The following CCDC68 variants were observed in gnomAD, a reference collection of about 807,000 sequenced individuals.
CCDC68 encodes the protein coiled-coil domain-containing protein 68.
CCDC68 carries 45 observed loss-of-function variants against 47.1 expected under a neutral mutation model. That is an observed-to-expected ratio of 0.96 (90% CI 0.75 to 1.23). CCDC68 has a LOEUF of 1.23. Ranked by LOEUF, CCDC68 falls within the 50% of genes most tolerant of loss-of-function variation. The pLI, the probability that CCDC68 is intolerant of heterozygous loss-of-function variation, is 0.00. For missense variants in CCDC68, 353 were observed against 373.6 expected, an observed-to-expected ratio of 0.94 and a Z score of 0.45; for synonymous variants, 131 against 129.5, an observed-to-expected ratio of 1.01 and a Z score of -0.08.
chr18:54,930,695 CCTCT>C (rs773697746), intron 7 of CCDC68, among the ~76,000 whole-genome samples: 776 of 73,722 alleles, frequency 0.011, 40 homozygotes, highest in African/African-American at 0.026. Flanking sequence ...TCCCTCCCTC[CCTCT>C]CTCTCTCTCT....
intron 1 of CCDC68, among the ~76,000 whole-genome samples, chr18:54,949,667 T>C (rs2044581714): frequency 6.6e-6 from 1 of 152,214 alleles, no homozygotes; most frequent in Non-Finnish European, 1.5e-5. Context: ...TTGAATCTCC[T>C]TCCCAGATAT....
intron 8 of CCDC68, among the ~76,000 whole-genome samples, chr18:54,927,235 A>C (rs542825226): frequency 6.6e-6 from 1 of 152,338 alleles, no homozygotes; most frequent in Non-Finnish European, 1.5e-5. Flanking sequence ...TAAAAATTGC[A>C]TAAGCCTGGA....
At chr18:54,911,622 G>C (rs1194585288) in intron 10 of CCDC68, among the ~76,000 whole-genome samples, 1 of 152,090 alleles carries the variant, frequency 6.6e-6, no homozygotes, top group African/African-American at 2.4e-5. Flanking sequence ...CTCCAAACAA[G>C]GGCAGGCACA....
intron 10 of CCDC68, among the ~76,000 whole-genome samples, chr18:54,915,067 CAG>C (rs970062264): frequency 6.6e-6 from 1 of 152,196 alleles, no homozygotes; most frequent in Non-Finnish European, 1.5e-5. Flanking sequence ...TAGATATGAG[CAG>C]AGCCCAGAAC....
rs779224167 is a variant in CCDC68, at chr18:54,904,365, C to T, written c.1001G>A (p.Arg334Gln). Residue 334 changes from arginine (R) to glutamine (Q), a missense_variant, in exon 12 of 12, where the codon CGG becomes CAG. By Grantham distance (43) the Arg-to-Gln change is conservative (BLOSUM62 1). Transcript: ENST00000591504. ...GATCTTCATCCAGCCAGTTCATTTC[C>T]GTAACCTAATCAACATTAAATAAGG... ...VSPYLMLIRL[R>Q]K 1.1e-5 allele frequency: 18 copies of T among 1,612,210 alleles called. No homozygotes were observed. Among genetic ancestry groups the T allele is most frequent in the East Asian group, 2.2e-5 (1 of 44,840 alleles).
intron 1 of CCDC68, among the ~76,000 whole-genome samples, chr18:54,947,259 A>G (rs1212230759): frequency 6.6e-6 from 1 of 152,252 alleles, no homozygotes; most frequent in Non-Finnish European, 1.5e-5. Context: ...GACAGCTTAC[A>G]GGTGGCATCA....
intron 7 of CCDC68, among the ~76,000 whole-genome samples, chr18:54,929,318 A>G (rs2044203200): frequency 6.6e-6 from 1 of 152,358 alleles, no homozygotes; most frequent in African/African-American, 2.4e-5. Context: ...GGCATCTGTC[A>G]GAAGGTAGTA....
chr18:54,936,222 C>CTATATATTTTTAAAAAATATATAGT (rs1197588920), intron 6 of CCDC68, among the ~76,000 whole-genome samples: 1 of 121,300 alleles, frequency 8.2e-6, no homozygotes, highest in Non-Finnish European at 1.7e-5. Context: ...AAATATATAT[C>CTATATATTTTTAAAAAATATATAGT]TATATATTTT....
intron 7 of CCDC68, among the ~76,000 whole-genome samples, chr18:54,930,632 TCCC>T (rs546224363): frequency 4.5e-4 from 2 of 4,438 alleles, no homozygotes; most frequent in Admixed American, 1.9e-3. Flanking sequence ...TTCCCCTCCC[TCCC>T]TCCCTCCCTC....
At chr18:54,929,991 C>T (rs762588258) in intron 7 of CCDC68, among the ~76,000 whole-genome samples, 1 of 152,008 alleles carries the variant, frequency 6.6e-6, no homozygotes, top group Non-Finnish European at 1.5e-5. Context: ...CCTGTGTTCG[C>T]TTTTATTATT....
intron 10 of CCDC68, among the ~76,000 whole-genome samples, chr18:54,910,958 G>C (rs1320756637): frequency 3.3e-5 from 5 of 152,184 alleles, no homozygotes; most frequent in African/African-American, 1.2e-4. Context: ...AGGGACTCCT[G>C]AGTCTGCAGC....
At chr18:54,922,774 G>T (rs1323453378) in intron 8 of CCDC68, among the ~76,000 whole-genome samples, 1 of 151,842 alleles carries the variant, frequency 6.6e-6, no homozygotes, top group Non-Finnish European at 1.5e-5. Flanking sequence ...GATCACTTGA[G>T]GTCAGGAGTT....
intron 10 of CCDC68, among the ~76,000 whole-genome samples, chr18:54,913,946 A>G (rs1292320399): frequency 6.6e-6 from 1 of 152,064 alleles, no homozygotes; most frequent in African/African-American, 2.4e-5. Flanking sequence ...AATCCCTGTT[A>G]CTCTGTGACT....
chr18:54,904,598 T>C (rs537325308), intron 11 of CCDC68, among the ~76,000 whole-genome samples, 183 bp from the exon 12 acceptor site: 8 of 152,324 alleles, frequency 5.3e-5, no homozygotes, highest in South Asian at 2.1e-4. Flanking sequence ...TAGAATCGCA[T>C]TGTGAAAGCA....
chr18:54,930,618 TCCCTTCC>T (rs2044226728), intron 7 of CCDC68, among the ~76,000 whole-genome samples: 1 of 52,514 alleles, frequency 1.9e-5, no homozygotes. Flanking sequence ...TTCCTTCCCT[TCCCTTCC>T]CCTCCCTCCC....
At chr18:54,934,791 G>GA (rs1269248875) in intron 7 of CCDC68, 29 bp downstream of exon 7, 1 of 1,404,526 alleles carries the variant, frequency 7.1e-7, no homozygotes, top group South Asian at 1.9e-5. Flanking sequence ...CTGTCAGTAA[G>GA]AAAATCCTCT....
At chr18:54,921,111 G>A (rs1340408591) in intron 8 of CCDC68, among the ~76,000 whole-genome samples, 1 of 152,118 alleles carries the variant, frequency 6.6e-6, no homozygotes, top group Non-Finnish European at 1.5e-5. Context: ...ATCAAATACT[G>A]CACAATTCCA....
chr18:54,950,123 CA>C (rs1446986092), intron 1 of CCDC68, among the ~76,000 whole-genome samples: 1 of 152,170 alleles, frequency 6.6e-6, no homozygotes, highest in Non-Finnish European at 1.5e-5. Context: ...CAGCCAGAGT[CA>C]ATTACTCTGG....
intron 7 of CCDC68, among the ~76,000 whole-genome samples, chr18:54,930,880 G>A (rs1459795031): frequency 2.0e-5 from 3 of 150,984 alleles, no homozygotes; most frequent in Non-Finnish European, 4.4e-5. Context: ...CACCACGCCC[G>A]GCTAATTTTG....
Sources: gnomAD v4.1 joint callset for allele counts (sites outside exome capture counted in the v4.1 genomes callset) on GRCh38, gnomAD v4.1.1 for gene constraint, MANE v1.5 for transcripts, NCBI Gene and HGNC (gene_info 2026-07-23, HGNC 2026-07-21) for gene names.